C1QTNF3: variants seen among roughly 807,000 people sequenced by gnomAD.
C1QTNF3 encodes the protein C1q and TNF related 3.
Under a neutral mutation model 32.6 loss-of-function variants are expected in C1QTNF3, and 26 were observed. The observed-to-expected ratio is 0.80, with a 90% CI of 0.58 to 1.11. The LOEUF (loss-of-function observed/expected upper bound fraction) is 1.11, where lower values mean the gene tolerates loss of function less well. Among genes scored for constraint, C1QTNF3 ranks in the 50% least tolerant of loss-of-function variants. The probability of loss-of-function intolerance (pLI) is 0.00; values close to 1 mark genes in which losing one functional copy is unlikely to be tolerated. For synonymous variants in C1QTNF3, 155 were observed against 146.0 expected (o/e 1.06, Z -0.44); for missense variants, 362 against 398.2 (o/e 0.91, Z 0.77).
At chr5:34,194,690 A>T in the C1QTNF3 span, among the ~76,000 whole-genome samples, 1 of 152,270 alleles carries the variant, frequency 6.6e-6, no homozygotes, top group Non-Finnish European at 1.5e-5. Flanking sequence ...CCCCCATTAG[A>T]ATGAAAGTTC....
At chr5:34,174,641 G>C in the C1QTNF3 span, among the ~76,000 whole-genome samples, 134 of 152,252 alleles carry the variant, frequency 8.8e-4, 1 homozygote, top group Middle Eastern at 0.01. Flanking sequence ...GCCATCCTGA[G>C]TTTATGGAAA....
At chr5:34,227,419 T>C in the C1QTNF3 span, among the ~76,000 whole-genome samples, 1 of 152,040 alleles carries the variant, frequency 6.6e-6, no homozygotes, top group Non-Finnish European at 1.5e-5. Flanking sequence ...AATAGATGCA[T>C]ATATATTTCA....
At chr5:34,087,687 C>T in the C1QTNF3 span, among the ~76,000 whole-genome samples, 1 of 150,012 alleles carries the variant, frequency 6.7e-6, no homozygotes, top group African/African-American at 2.5e-5. Context: ...GATCTTCACA[C>T]CTCAGCCTCC....
the C1QTNF3 span, among the ~76,000 whole-genome samples, chr5:34,172,746 G>A: frequency 6.6e-6 from 1 of 152,200 alleles, no homozygotes; most frequent in East Asian, 1.9e-4. Context: ...CTCCTATTTT[G>A]CATATAGGTG....
chr5:34,050,281 T>G, the C1QTNF3 span, among the ~76,000 whole-genome samples: 4 of 152,202 alleles, frequency 2.6e-5, no homozygotes, highest in Admixed American at 2.6e-4. Flanking sequence ...CCTTCTCATG[T>G]GCGCCTCTCT....
chr5:34,244,448 T>G, the C1QTNF3 span, among the ~76,000 whole-genome samples: 1 of 152,184 alleles, frequency 6.6e-6, no homozygotes, highest in Non-Finnish European at 1.5e-5. Context: ...TCTTCCCTTA[T>G]CTCACCCCAC....
chr5:34,218,068 C>A, the C1QTNF3 span, among the ~76,000 whole-genome samples: 34 of 149,732 alleles, frequency 2.3e-4, no homozygotes, highest in African/African-American at 8.2e-4. Flanking sequence ...GTAGAAAGGA[C>A]AACATAAAGA....
At chr5:34,129,665 C>T in the C1QTNF3 span, among the ~76,000 whole-genome samples, 1 of 151,986 alleles carries the variant, frequency 6.6e-6, no homozygotes, top group South Asian at 2.1e-4. Flanking sequence ...ATAGAAAATG[C>T]ATCTACTGAG....
At chr5:34,175,628 G>A in the C1QTNF3 span, 8 of 501,222 alleles carry the variant, frequency 1.6e-5, no homozygotes, top group African/African-American at 7.8e-5. Flanking sequence ...TGTGGGAAGC[G>A]GGGACCTGAC....
chr5:34,114,694 T>C, the C1QTNF3 span, among the ~76,000 whole-genome samples: 1 of 152,186 alleles, frequency 6.6e-6, no homozygotes, highest in African/African-American at 2.4e-5. Context: ...AGTTTTATAC[T>C]TAAAGTTTTA....
At chr5:34,036,173 A>G (rs1188622320) in intron 1 of C1QTNF3, among the ~76,000 whole-genome samples, 1 of 152,204 alleles carries the variant, frequency 6.6e-6, no homozygotes, top group Non-Finnish European at 1.5e-5. Flanking sequence ...AATTACAAGA[A>G]TTATCCACTT....
chr5:34,228,725 A>G, the C1QTNF3 span, among the ~76,000 whole-genome samples: 2 of 152,070 alleles, frequency 1.3e-5, no homozygotes, highest in East Asian at 3.8e-4. Context: ...ATTGTTTGTC[A>G]TATTTAATCT....
At chr5:34,220,238 G>A in the C1QTNF3 span, among the ~76,000 whole-genome samples, 1,960 of 152,116 alleles carry the variant, frequency 0.013, 47 homozygotes, top group African/African-American at 0.045. Flanking sequence ...ATTAGGGATC[G>A]TTTGTTTCTA....
At chr5:34,054,434 G>A in the C1QTNF3 span, among the ~76,000 whole-genome samples, 1 of 152,180 alleles carries the variant, frequency 6.6e-6, no homozygotes, top group East Asian at 1.9e-4. Flanking sequence ...AGGCTCTATG[G>A]ACCATAGAAT....
chr5:34,040,211 G>A (rs1754833857), intron 1 of C1QTNF3, among the ~76,000 whole-genome samples: 1 of 152,132 alleles, frequency 6.6e-6, no homozygotes, highest in African/African-American at 2.4e-5. Flanking sequence ...TTTCCCAAAA[G>A]CAGGACAAAT....
At chr5:34,211,523 C>T in the C1QTNF3 span, among the ~76,000 whole-genome samples, 1 of 146,254 alleles carries the variant, frequency 6.8e-6, no homozygotes, top group Admixed American at 6.8e-5. Context: ...GTATATCTCC[C>T]AATGCTATCC....
the C1QTNF3 span, among the ~76,000 whole-genome samples, chr5:34,215,245 T>C: frequency 6.6e-6 from 1 of 152,058 alleles, no homozygotes; most frequent in Admixed American, 6.6e-5. Flanking sequence ...CATACATACA[T>C]ATGACACTAG....
At chr5:34,194,908 T>C in the C1QTNF3 span, among the ~76,000 whole-genome samples, 2 of 148,686 alleles carry the variant, frequency 1.3e-5, no homozygotes, top group Admixed American at 6.7e-5. Flanking sequence ...GTTATTGTAC[T>C]ATATTGTGTA....
At chr5:34,221,592 A>C in the C1QTNF3 span, among the ~76,000 whole-genome samples, 2 of 152,104 alleles carry the variant, frequency 1.3e-5, no homozygotes, top group Non-Finnish European at 2.9e-5. Context: ...CTTTTATGCA[A>C]GTACCTTTCA....
Sources: gnomAD v4.1 joint callset for allele counts (sites outside exome capture counted in the v4.1 genomes callset) on GRCh38, gnomAD v4.1.1 for gene constraint, MANE v1.5 for transcripts, NCBI Gene and HGNC (gene_info 2026-07-23, HGNC 2026-07-21) for gene names.